Variants in BTBD7 observed in about 807,000 individuals in gnomAD.
The protein encoded by BTBD7 is BTB/POZ domain-containing protein 7.
Under a neutral mutation model 99.9 loss-of-function variants are expected in BTBD7, and 38 were observed. That is an observed-to-expected ratio of 0.38 (90% CI 0.29 to 0.50). The LOEUF (loss-of-function observed/expected upper bound fraction) is 0.50. Ranked by LOEUF, BTBD7 falls within the 20% of genes least tolerant of loss-of-function variation. BTBD7 has a pLI of 0.93. For synonymous variants in BTBD7, 520 were observed against 511.4 expected (o/e 1.02, Z -0.23); for missense variants, 1,170 against 1,394.6 (o/e 0.84, Z 2.57).
At chr14:93,281,637 GA>G (rs34515920) in intron 3 of BTBD7, among the ~76,000 whole-genome samples, 8 of 152,070 alleles carry the variant, frequency 5.3e-5, no homozygotes, top group African/African-American at 1.2e-4. Context: ...TATTAAGTAT[GA>G]AAAAAAGTTA....
rs534246389 is a variant in BTBD7 at position 93,278,758 on chromosome 14, CTATT to C, written c.1163-14769_1163-14766del. On this transcript the variant is annotated intron_variant, in intron 3 of 10. Transcript: ENST00000334746. ...TGAAACATCATTATGTGGTACATGA[CTATT>C]TATCCATATAGAAGCCTATCTTTCA... is the stretch of plus-strand genomic sequence containing the variant. Among the ~76,000 whole-genome samples the C allele has an allele frequency of 2.5e-3, 376 of 152,306 alleles. 1 individual carries two copies. The highest frequency in any genetic ancestry group is 8.6e-3 in the African/African-American group (359 of 41,564).
At chr14:93,277,147 C>T (rs1191823202) in intron 3 of BTBD7, among the ~76,000 whole-genome samples, 2 of 152,102 alleles carry the variant, frequency 1.3e-5, no homozygotes, top group Non-Finnish European at 2.9e-5. Context: ...GGTGATCCGC[C>T]CACCTTGGCC....
intron 1 of BTBD7, among the ~76,000 whole-genome samples, chr14:93,305,696 C>T (rs186498457): frequency 6.6e-6 from 1 of 152,192 alleles, no homozygotes; most frequent in Admixed American, 6.5e-5. Context: ...TCTTAAAACT[C>T]TATTTTCCAT....
chr14:93,300,946 C>T (rs894213998), intron 1 of BTBD7, among the ~76,000 whole-genome samples: 1 of 151,636 alleles, frequency 6.6e-6, no homozygotes, highest in Admixed American at 6.6e-5. Context: ...TGTTAATCTA[C>T]AGAGGGGAAA....
rs1181367668 is a variant in BTBD7 at position 93,329,780 on chromosome 14, G to C, written c.-107+3040C>G. 2.6e-5 allele frequency among the ~76,000 whole-genome samples: 4 copies of C among 152,138 alleles called. No individual in the cohort carries two copies. In the South Asian group the frequency reaches 8.3e-4, roughly 32 times the overall value. ...AGACAGTAGAACTGTGGGTGCCAGG[G>C]GCTGGGGGTAAGGGAAAATGGACAG... On this transcript the variant is annotated intron_variant, in intron 1 of 10. Transcript: ENST00000334746.
At chr14:93,265,133 C>T (rs1024706665) in intron 3 of BTBD7, among the ~76,000 whole-genome samples, 1 of 152,110 alleles carries the variant, frequency 6.6e-6, no homozygotes, top group African/African-American at 2.4e-5. Flanking sequence ...CACTACCAAA[C>T]TATGGCTACA....
Position 93,332,811 on chromosome 14 carries a change from G to C in BTBD7, c.-107+9C>G. 2 of 1,477,014 alleles carry C rather than the reference G, an allele frequency of 1.4e-6. No individual in the cohort carries two copies. The highest frequency in any genetic ancestry group is 1.3e-5 in the South Asian group (1 of 78,752). 91.5% of individuals were successfully genotyped at this position (1,477,014 alleles called of 1,614,324 possible). A position where few individuals can be genotyped will look rare whatever the true frequency, so the allele number is the denominator to read the frequency against. On this transcript the variant is annotated intron_variant, in intron 1 of 10. Transcript: ENST00000334746. ...CTCCACAGCCTCAGAGACACCAAGGGACACTCACCCCGGAGGCTCCTCCCG... is the reference window on the plus strand; with the variant it reads ...CTCCACAGCCTCAGAGACACCAAGGCACACTCACCCCGGAGGCTCCTCCCG...
intron 1 of BTBD7, among the ~76,000 whole-genome samples, chr14:93,322,575 T>C (rs1003770537): frequency 6.6e-6 from 1 of 152,142 alleles, no homozygotes; most frequent in South Asian, 2.1e-4. Flanking sequence ...TAATTAAAAG[T>C]TGAAATTCAA....
chr14:93,282,804 T>G (rs1484768110), intron 3 of BTBD7, among the ~76,000 whole-genome samples: 1 of 152,160 alleles, frequency 6.6e-6, no homozygotes, highest in Non-Finnish European at 1.5e-5. Context: ...TATCTTAGAC[T>G]CCATTCATTT....
rs1054960898 is a variant in BTBD7 at position 93,257,240 on chromosome 14, T to C, written c.1563A>G (p.Arg521=). 1 of 1,614,178 alleles carries C rather than the reference T, an allele frequency of 6.2e-7. No homozygotes were observed. The highest frequency in any genetic ancestry group is 1.7e-5 in the Admixed American group (1 of 60,028). ...EILSSLLPFV[R]IEHILPINSE... ...TGTTTATAGGTAAGATGTGTTCAAT[T>C]CGCACAAAAGGTAAGAGAGAAGAAA... The change falls in exon 6 of 11, where the codon CGA becomes CGG. Residue 521 remains arginine, a synonymous_variant. Coordinates refer to ENST00000334746, the MANE Select transcript of BTBD7 (RefSeq NM_001002860.4).
intron 3 of BTBD7, among the ~76,000 whole-genome samples, chr14:93,268,401 G>A (rs996316197): frequency 6.6e-6 from 1 of 151,872 alleles, no homozygotes; most frequent in Non-Finnish European, 1.5e-5. Flanking sequence ...GTTCCTTTTC[G>A]GTAAAAGCCC....
chr14:93,273,321 G>A (rs565024743), intron 3 of BTBD7, among the ~76,000 whole-genome samples: 5 of 152,336 alleles, frequency 3.3e-5, no homozygotes, highest in Admixed American at 3.3e-4. Context: ...TAGAGGCCAT[G>A]AACAAACAGA....
intron 1 of BTBD7, among the ~76,000 whole-genome samples, chr14:93,326,274 C>T (rs1298477257): frequency 1.3e-5 from 2 of 152,214 alleles, no homozygotes; most frequent in African/African-American, 4.8e-5. Flanking sequence ...CGAGACCAGC[C>T]TGGGCAGCAC....
chr14:93,264,637 G>A (rs938499368), intron 3 of BTBD7, among the ~76,000 whole-genome samples: 2 of 152,108 alleles, frequency 1.3e-5, no homozygotes, highest in Non-Finnish European at 2.9e-5. Context: ...TCCTCCTTAG[G>A]AAAGATCATT....
intron 3 of BTBD7, chr14:93,288,170 G>GA (rs1214010578): frequency 8.0e-6 from 2 of 249,670 alleles, no homozygotes; most frequent in African/African-American, 4.5e-5. Context: ...TTCTGAAAAA[G>GA]AAACTTTTTA....
At chr14:93,299,059 C>T (rs2052962873) in intron 1 of BTBD7, among the ~76,000 whole-genome samples, 1 of 152,134 alleles carries the variant, frequency 6.6e-6, no homozygotes, top group Non-Finnish European at 1.5e-5. Context: ...ATTCATATAT[C>T]CTACTGGAGC....
At chr14:93,298,350 C>A (rs2052954816) in intron 1 of BTBD7, among the ~76,000 whole-genome samples, 1 of 152,138 alleles carries the variant, frequency 6.6e-6, no homozygotes, top group Non-Finnish European at 1.5e-5. Context: ...AAATCCAATA[C>A]TTTTTGAGTG....
In BTBD7 at chr14:93,253,654, T is replaced by C. The variant is rs2052393557; in HGVS notation, c.1745A>G (p.Glu582Gly). 6.2e-7 allele frequency: 1 copy of C among 1,609,526 alleles called. No homozygotes were observed. Among genetic ancestry groups the C allele is most frequent in the Non-Finnish European group, 8.5e-7 (1 of 1,176,692 alleles). The change falls in exon 7 of 11, where the codon GAA becomes GGA. Residue 582 changes from glutamate (E) to glycine (G), a missense_variant. By Grantham distance (98) the Glu-to-Gly change is moderately conservative. Coordinates refer to ENST00000334746, the MANE Select transcript of BTBD7 (RefSeq NM_001002860.4). ...RPRLFSPYVE[E>G]AKSVLDEMMV... ...TCAAATGGTTTTCATTACCTTTGCT[T>C]CTTCCACATAGGGAGAGAAGAGTCG...
intron 1 of BTBD7, among the ~76,000 whole-genome samples, chr14:93,302,942 G>T: frequency 6.6e-6 from 1 of 152,186 alleles, no homozygotes; most frequent in African/African-American, 2.4e-5. Flanking sequence ...GAGGCCTAGA[G>T]ATTGAGGTTG....
Sources: gnomAD v4.1 joint callset for allele counts (sites outside exome capture counted in the v4.1 genomes callset) on GRCh38, gnomAD v4.1.1 for gene constraint, MANE v1.5 for transcripts, NCBI Gene and HGNC (gene_info 2026-07-23, HGNC 2026-07-21) for gene names.